GALNT10: variants seen among roughly 807,000 people sequenced by gnomAD.
GALNT10 encodes the protein GalNAc transferase 10.
A neutral mutation model predicts 75.0 loss-of-function variants in GALNT10; 41 were observed. The observed-to-expected ratio is 0.55, with a 90% CI of 0.43 to 0.71. The LOEUF is 0.71. Ranked by LOEUF, GALNT10 falls within the 30% of genes least tolerant of loss-of-function variation. GALNT10 has a pLI of 0.00. For synonymous variants in GALNT10, 302 were observed against 313.0 expected (o/e 0.96, Z 0.37); for missense variants, 727 against 818.5 (o/e 0.89, Z 1.36).
At chr5:154,399,973 A>G (rs1330240247) in intron 7 of GALNT10, among the ~76,000 whole-genome samples, 1 of 151,964 alleles carries the variant, frequency 6.6e-6, no homozygotes, top group Non-Finnish European at 1.5e-5. Flanking sequence ...GGAGACCCCC[A>G]TGTCTACAAA....
intron 3 of GALNT10, among the ~76,000 whole-genome samples, chr5:154,299,481 C>T (rs920420302): frequency 2.0e-5 from 3 of 152,204 alleles, no homozygotes; most frequent in African/African-American, 7.2e-5. Flanking sequence ...AATTTGAACC[C>T]AGGGAGTCTG....
chr5:154,253,797 C>T (rs1753566209), intron 1 of GALNT10, among the ~76,000 whole-genome samples: 1 of 138,712 alleles, frequency 7.2e-6, no homozygotes, highest in African/African-American at 2.7e-5. Context: ...CTCTCTCCTA[C>T]TTTTATCTGA....
At chr5:154,196,502 A>G (rs1043668538) in intron 1 of GALNT10, among the ~76,000 whole-genome samples, 1 of 152,098 alleles carries the variant, frequency 6.6e-6, no homozygotes, top group African/African-American at 2.4e-5. Flanking sequence ...TGGCATTGTC[A>G]GGGCTCGGTC....
chr5:154,360,017 C>T (rs1399440279), intron 4 of GALNT10, among the ~76,000 whole-genome samples: 1 of 151,960 alleles, frequency 6.6e-6, no homozygotes. Flanking sequence ...ACTATTTACA[C>T]CATGAGCATA....
Position 154,196,409 on chromosome 5 carries a change from C to T in GALNT10, c.159+5384C>T, listed in dbSNP as rs553810572. 2.0e-5 allele frequency among the ~76,000 whole-genome samples: 3 copies of T among 152,274 alleles called. No individual in the cohort carries two copies. In the South Asian group the frequency reaches 6.2e-4, roughly 32 times the overall value. ...GTTGCAAGTAACAAAACAAATTGAG[C>T]CATGTGGGCTGAAATGAGTAAGGGA... On this transcript the variant is annotated intron_variant, in intron 1 of 11. Coordinates refer to ENST00000297107, the MANE Select transcript of GALNT10 (RefSeq NM_198321.4).
At chr5:154,282,981 C>A (rs1754059760) in intron 1 of GALNT10, among the ~76,000 whole-genome samples, 1 of 152,110 alleles carries the variant, frequency 6.6e-6, no homozygotes, top group African/African-American at 2.4e-5. Flanking sequence ...GGGCAGTGAT[C>A]TAGCCAGAGG....
At chr5:154,304,495 A>G (rs1325282658) in intron 3 of GALNT10, among the ~76,000 whole-genome samples, 1 of 152,198 alleles carries the variant, frequency 6.6e-6, no homozygotes, top group Non-Finnish European at 1.5e-5. Context: ...TCAGTAAACT[A>G]TGGTTAGTAA....
intron 4 of GALNT10, among the ~76,000 whole-genome samples, chr5:154,333,173 T>TA (rs1754892824): frequency 6.6e-6 from 1 of 152,124 alleles, no homozygotes; most frequent in African/African-American, 2.4e-5. Flanking sequence ...GTTACACTGC[T>TA]AAAAGAAGTA....
intron 9 of GALNT10, among the ~76,000 whole-genome samples, chr5:154,410,185 T>C (rs1250698548): frequency 6.6e-6 from 1 of 152,158 alleles, no homozygotes; most frequent in Non-Finnish European, 1.5e-5. Flanking sequence ...AATGTGCATA[T>C]TCTTCCAACA....
At chr5:154,217,219 C>T (rs569837099) in intron 1 of GALNT10, among the ~76,000 whole-genome samples, 5 of 152,180 alleles carry the variant, frequency 3.3e-5, no homozygotes, top group Non-Finnish European at 5.9e-5. Flanking sequence ...GTAGACCTCT[C>T]TGACACTACT....
At chr5:154,230,234 C>T (rs1338071502) in intron 1 of GALNT10, among the ~76,000 whole-genome samples, 2 of 152,192 alleles carry the variant, frequency 1.3e-5, no homozygotes, top group Non-Finnish European at 2.9e-5. Context: ...GATGCTCAAA[C>T]TCCTATGTCA....
chr5:154,409,130 G>C lies in GALNT10; in HGVS notation c.1165-411G>C, dbSNP rs183539466. Among the ~76,000 whole-genome samples, 2 of 152,314 alleles carry C rather than the reference G, an allele frequency of 1.3e-5. No individual in the cohort carries two copies. The highest frequency in any genetic ancestry group is 6.5e-5 in the Admixed American group (1 of 15,306). ...GGCTGATGCCTGTTGGTTGTGATTG[G>C]TGGGGCTTAGGGAATGGGTCTGCTG... On this transcript the variant is annotated intron_variant, in intron 8 of 11. Coordinates refer to ENST00000297107, the MANE Select transcript of GALNT10 (RefSeq NM_198321.4). The surrounding 1 kb of genome is among the most constrained non-coding windows in gnomAD (Gnocchi z 4.5).
chr5:154,305,719 A>G (rs1754424156), intron 3 of GALNT10, among the ~76,000 whole-genome samples: 1 of 152,222 alleles, frequency 6.6e-6, no homozygotes, highest in Non-Finnish European at 1.5e-5. Flanking sequence ...GCAAAAACTG[A>G]TAAAACTATA....
At chr5:154,217,736 C>T (rs1752897259) in intron 1 of GALNT10, among the ~76,000 whole-genome samples, 1 of 152,196 alleles carries the variant, frequency 6.6e-6, no homozygotes, top group South Asian at 2.1e-4. Context: ...GTAAGGAAGG[C>T]CTGAGTTGAA....
intron 7 of GALNT10, chr5:154,389,074 TGCTTCCAA>T (rs1472466790): frequency 6.6e-6 from 1 of 151,982 alleles, no homozygotes; most frequent in African/African-American, 2.4e-5. Flanking sequence ...ATTCTGAGGC[TGCTTCCAA>T]GCTTATCAGC....
At chr5:154,203,011 G>A (rs1410260707) in intron 1 of GALNT10, among the ~76,000 whole-genome samples, 1 of 152,256 alleles carries the variant, frequency 6.6e-6, no homozygotes, top group African/African-American at 2.4e-5. Context: ...TAAGAAGGCT[G>A]CCAAGTGCCA....
intron 1 of GALNT10, among the ~76,000 whole-genome samples, chr5:154,238,863 T>C (rs997440425): frequency 1.3e-5 from 2 of 152,238 alleles, no homozygotes; most frequent in African/African-American, 2.4e-5. Context: ...CTACCATTTA[T>C]TGTGCTGTTA....
At chr5:154,198,545 A>T (rs116075844) in intron 1 of GALNT10, among the ~76,000 whole-genome samples, 6 of 152,230 alleles carry the variant, frequency 3.9e-5, no homozygotes, top group African/African-American at 1.4e-4. Context: ...GGAAGAAGCC[A>T]GGTGGGTGCA....
chr5:154,411,968 G>C (rs116123061), intron 9 of GALNT10, among the ~76,000 whole-genome samples: 46 of 152,144 alleles, frequency 3.0e-4, no homozygotes, highest in Non-Finnish European at 5.9e-4. Context: ...GGAAGCTTTG[G>C]CCAGGTTGAT....
Sources: allele counts gnomAD v4.1 joint callset (sites outside exome capture counted in the v4.1 genomes callset), GRCh38; gene constraint gnomAD v4.1.1; non-coding constraint Gnocchi (gnomAD v3.1); transcripts MANE v1.5; gene names NCBI Gene and HGNC (gene_info 2026-07-23, HGNC 2026-07-21).